INSC: variants seen among roughly 807,000 people sequenced by gnomAD.
INSC encodes the protein protein inscuteable homolog.
Under a neutral mutation model 58.6 loss-of-function variants are expected in INSC, and 67 were observed. The observed-to-expected ratio is 1.14, with a 90% CI of 0.94 to 1.40. The LOEUF is 1.40. Among genes scored for constraint, INSC ranks in the 40% most tolerant of loss-of-function variants. The pLI is 0.00. For missense variants in INSC, 714 were observed against 692.0 expected (o/e 1.03, Z -0.36); for synonymous variants, 262 against 276.1 (o/e 0.95, Z 0.51).
intron 2 of INSC, among the ~76,000 whole-genome samples, chr11:15,163,028 A>AGT (rs1473339443): frequency 2.0e-5 from 3 of 152,184 alleles, no homozygotes; most frequent in Non-Finnish European, 4.4e-5. Flanking sequence ...TCAGTGTCCA[A>AGT]GTCTTACTGA....
At chr11:15,207,858 G>A (rs2094887148) in intron 7 of INSC, among the ~76,000 whole-genome samples, 1 of 152,166 alleles carries the variant, frequency 6.6e-6, no homozygotes, top group African/African-American at 2.4e-5. Flanking sequence ...AAGGAAGGCA[G>A]GGAGAGATGG....
At chr11:15,232,069 T>A (rs1851946160) in intron 9 of INSC, among the ~76,000 whole-genome samples, 1 of 152,214 alleles carries the variant, frequency 6.6e-6, no homozygotes, top group African/African-American at 2.4e-5. Flanking sequence ...CTTGATCAAT[T>A]TCCTGTCTGC....
the INSC span, among the ~76,000 whole-genome samples, chr11:15,262,875 G>GA: frequency 6.6e-6 from 1 of 151,194 alleles, no homozygotes; most frequent in African/African-American, 2.4e-5. Flanking sequence ...AGAAACAGAG[G>GA]AAAAAAATCA....
intron 6 of INSC, among the ~76,000 whole-genome samples, 164 bp downstream of exon 6, chr11:15,190,978 A>ATT (rs5789865): frequency 6.5e-4 from 83 of 128,652 alleles, no homozygotes; most frequent in African/African-American, 1.7e-3. Flanking sequence ...TGGTGTGTGC[A>ATT]TTTTTTTTTT....
chr11:15,258,648 C>G, the INSC span, among the ~76,000 whole-genome samples: 1 of 152,314 alleles, frequency 6.6e-6, no homozygotes, highest in Non-Finnish European at 1.5e-5. Context: ...ATACTGACAT[C>G]TGCTGGACCC....
chr11:15,159,772 A>T (rs1029449886), intron 2 of INSC, among the ~76,000 whole-genome samples: 1 of 152,136 alleles, frequency 6.6e-6, no homozygotes, highest in Non-Finnish European at 1.5e-5. Context: ...TCATAAGAGT[A>T]CCCTCCTCAC....
the INSC span, among the ~76,000 whole-genome samples, chr11:15,253,177 GA>G: frequency 6.6e-6 from 1 of 152,186 alleles, no homozygotes; most frequent in African/African-American, 2.4e-5. Flanking sequence ...ACAAACAGAA[GA>G]AAATAAACTT....
At chr11:15,116,461 T>C (rs1019053561) in intron 1 of INSC, among the ~76,000 whole-genome samples, 1 of 152,054 alleles carries the variant, frequency 6.6e-6, no homozygotes, top group Non-Finnish European at 1.5e-5. Flanking sequence ...CCAGTGGTTA[T>C]CTTTTTTTCT....
chr11:15,211,123 T>C (rs1393169305), intron 7 of INSC, among the ~76,000 whole-genome samples: 1 of 151,848 alleles, frequency 6.6e-6, no homozygotes, highest in Admixed American at 6.6e-5. Context: ...GCCCAGCTAA[T>C]GGACAATCAA....
At chr11:15,144,063 T>A (rs907332367) in intron 1 of INSC, among the ~76,000 whole-genome samples, 1 of 152,152 alleles carries the variant, frequency 6.6e-6, no homozygotes, top group African/African-American at 2.4e-5. Context: ...TGTGCCTGAT[T>A]GGTGGCACCT....
At chr11:15,237,733 T>A (rs1359011572) in intron 10 of INSC, among the ~76,000 whole-genome samples, 2 of 152,058 alleles carry the variant, frequency 1.3e-5, no homozygotes, top group African/African-American at 4.8e-5. Context: ...AGACAGGTAA[T>A]GTAAATGGAC....
the INSC span, among the ~76,000 whole-genome samples, chr11:15,264,166 C>T: frequency 1.2e-4 from 12 of 96,492 alleles, no homozygotes; most frequent in African/African-American, 3.5e-4. Context: ...ACTGAAGTTC[C>T]TGTTTCTTTG....
intron 1 of INSC, among the ~76,000 whole-genome samples, chr11:15,141,629 C>G (rs1184974708): frequency 2.0e-5 from 3 of 152,108 alleles, no homozygotes; most frequent in Non-Finnish European, 4.4e-5. Flanking sequence ...TGTGCCTCCC[C>G]TGGGAACGAG....
intron 6 of INSC, among the ~76,000 whole-genome samples, chr11:15,200,076 T>C (rs1262090252): frequency 6.6e-6 from 1 of 151,766 alleles, no homozygotes; most frequent in Non-Finnish European, 1.5e-5. Context: ...GAAGTTTCCA[T>C]AAACAGCTCT....
intron 5 of INSC, among the ~76,000 whole-genome samples, chr11:15,190,296 C>A (rs910231078): frequency 2.6e-5 from 4 of 152,214 alleles, no homozygotes; most frequent in African/African-American, 9.6e-5. Context: ...TGAGCAGATT[C>A]TTTGGTCATA....
At chr11:15,188,225 T>C (rs1850043453) in intron 5 of INSC, 13 of 985,296 alleles carry the variant, frequency 1.3e-5, no homozygotes, top group Non-Finnish European at 1.6e-5. Flanking sequence ...TAGTGTTAGA[T>C]GCGAAGGGAA....
intron 1 of INSC, among the ~76,000 whole-genome samples, chr11:15,118,047 G>T (rs1847775950): frequency 6.6e-6 from 1 of 152,180 alleles, no homozygotes; most frequent in Admixed American, 6.5e-5. Context: ...CCTTCCTCAT[G>T]TGACCCTGCC....
chr11:15,211,876 T>G (rs1262993120), intron 7 of INSC, among the ~76,000 whole-genome samples: 1 of 152,058 alleles, frequency 6.6e-6, no homozygotes, highest in Non-Finnish European at 1.5e-5. Flanking sequence ...TCTGTTCCAT[T>G]AGCCTTTTTG....
chr11:15,149,011 G>C (rs1308111340), intron 1 of INSC, 119 bp from the exon 2 acceptor site: 11 of 1,227,136 alleles, frequency 9.0e-6, no homozygotes, highest in African/African-American at 4.6e-5. Flanking sequence ...CAGAAGAAGA[G>C]GGCTAAGAAG....
Sources: allele counts gnomAD v4.1 joint callset (sites outside exome capture counted in the v4.1 genomes callset), GRCh38; gene constraint gnomAD v4.1.1; transcripts MANE v1.5; gene names NCBI Gene and HGNC (gene_info 2026-07-23, HGNC 2026-07-21).